MGAT4C: variants seen among roughly 807,000 people sequenced by gnomAD.
MGAT4C encodes the protein MGAT4 family member C.
MGAT4C carries 19 observed loss-of-function variants against 40.1 expected under a neutral mutation model. The observed-to-expected ratio is 0.47, with a 90% CI of 0.33 to 0.70. The LOEUF is 0.70. MGAT4C is among the 30% of genes least tolerant of loss of function. MGAT4C has a pLI of 0.02. For synonymous variants in MGAT4C, 181 were observed against 187.1 expected, an observed-to-expected ratio of 0.97 and a Z score of 0.27; for missense variants, 491 against 563.2, an observed-to-expected ratio of 0.87 and a Z score of 1.30.
At chr12:86,440,043 C>T (rs1957200605) in intron 2 of MGAT4C, among the ~76,000 whole-genome samples, 1 of 152,074 alleles carries the variant, frequency 6.6e-6, no homozygotes, top group Non-Finnish European at 1.5e-5. Context: ...TTCCACCAAA[C>T]ATTTAAAGAG....
chr12:86,565,194 C>T (rs1960037768), intron 2 of MGAT4C, among the ~76,000 whole-genome samples: 1 of 152,110 alleles, frequency 6.6e-6, no homozygotes, highest in Non-Finnish European at 1.5e-5. Context: ...TGCACAGCAG[C>T]ATTTCATCAT....
At chr12:86,169,942 T>TG (rs1886631760) in intron 1 of MGAT4C, among the ~76,000 whole-genome samples, 1 of 152,184 alleles carries the variant, frequency 6.6e-6, no homozygotes, top group Non-Finnish European at 1.5e-5. Context: ...ATATCAAAGG[T>TG]TAGCAAAGGA....
chr12:86,776,786 T>G (rs1430336196), intron 1 of MGAT4C, among the ~76,000 whole-genome samples: 1 of 152,124 alleles, frequency 6.6e-6, no homozygotes, highest in East Asian at 1.9e-4. Context: ...GTTAGATTAC[T>G]TCCTTCTCAC....
At chr12:86,774,345 C>CTTTCTTTCTTTTTCTTTCTTTCTT (rs1951708548) in intron 1 of MGAT4C, among the ~76,000 whole-genome samples, 1 of 14,910 alleles carries the variant, frequency 6.7e-5, no homozygotes, top group African/African-American at 2.7e-4. Flanking sequence ...CTTTCTGTCT[C>CTTTCTTTCTTTTTCTTTCTTTCTT]TCTCTCTCCC....
At chr12:86,245,503 C>T (rs1951988532) in intron 1 of MGAT4C, among the ~76,000 whole-genome samples, 1 of 152,214 alleles carries the variant, frequency 6.6e-6, no homozygotes, top group African/African-American at 2.4e-5. Flanking sequence ...GTGCTTCTGT[C>T]TGGTTTCTAG....
In MGAT4C at chr12:85,979,405, CAA is replaced by C; in HGVS notation, c.1319_1320del (p.Phe440Ter). ...LRLGEFKNGNFEMSGVNQKIP... is the reference protein window; with the variant it reads ...LRLGEFKNGNXEMSGVNQKIP... Reference sequence around the variant, plus strand: ...ATTTTTTGATTTACACCTGACATTTCAAAGTTTCCATTTTTGAATTCTCCTAG... The same window carrying C: ...ATTTTTTGATTTACACCTGACATTTCAGTTTCCATTTTTGAATTCTCCTAG... On this transcript the variant is annotated frameshift_variant, in exon 5 of 5. Coordinates refer to ENST00000611864, the MANE Select transcript of MGAT4C (RefSeq NM_001351288.2). LOFTEE classifies it high-confidence loss of function. 6.2e-7 allele frequency: 1 copy of C among 1,613,136 alleles called. No homozygotes were observed. The highest frequency in any genetic ancestry group is 8.5e-7 in the Non-Finnish European group (1 of 1,179,456).
chr12:86,468,335 A>C (rs762623207), intron 2 of MGAT4C, among the ~76,000 whole-genome samples: 3 of 151,892 alleles, frequency 2.0e-5, no homozygotes, highest in Non-Finnish European at 4.4e-5. Flanking sequence ...GCTACCATAA[A>C]ATCTTTTTGA....
intron 1 of MGAT4C, among the ~76,000 whole-genome samples, chr12:86,763,731 T>C (rs1240178900): frequency 2.0e-5 from 3 of 152,084 alleles, no homozygotes; most frequent in Non-Finnish European, 4.4e-5. Flanking sequence ...CAAATGTGTG[T>C]GTGTTGTATA....
intron 3 of MGAT4C, among the ~76,000 whole-genome samples, chr12:86,360,070 G>C (rs1193574173): frequency 6.6e-6 from 1 of 152,110 alleles, no homozygotes; most frequent in African/African-American, 2.4e-5. Flanking sequence ...GAAGAACATT[G>C]ATGCAAAAAT....
At chr12:86,074,603 T>G (rs895429185) in intron 1 of MGAT4C, among the ~76,000 whole-genome samples, 13 of 152,072 alleles carry the variant, frequency 8.5e-5, no homozygotes, top group Non-Finnish European at 1.6e-4. Flanking sequence ...TTCTTTCATA[T>G]GGACCTGTAT....
At chr12:86,451,011 T>C (rs1239551990) in intron 2 of MGAT4C, among the ~76,000 whole-genome samples, 5 of 152,134 alleles carry the variant, frequency 3.3e-5, no homozygotes, top group Admixed American at 2.0e-4. Flanking sequence ...ATATCAGTCT[T>C]ATTTGGTTCC....
intron 2 of MGAT4C, among the ~76,000 whole-genome samples, chr12:86,521,063 C>T (rs1958786440): frequency 6.6e-6 from 1 of 152,102 alleles, no homozygotes; most frequent in African/African-American, 2.4e-5. Context: ...TGCAGAAGCT[C>T]TTTAGTTAAA....
intron 2 of MGAT4C, among the ~76,000 whole-genome samples, chr12:86,504,771 C>G (rs1377500770): frequency 3.9e-5 from 6 of 152,094 alleles, no homozygotes; most frequent in Non-Finnish European, 8.8e-5. Context: ...ACTGCAACCT[C>G]CGCCTCCCGG....
chr12:86,190,283 A>C (rs1394100232), intron 1 of MGAT4C, among the ~76,000 whole-genome samples: 1 of 152,086 alleles, frequency 6.6e-6, no homozygotes, highest in African/African-American at 2.4e-5. Context: ...AGTTTAAAAA[A>C]TCAATTAGAA....
At chr12:86,310,886 C>G (rs1054554045) in intron 4 of MGAT4C, among the ~76,000 whole-genome samples, 1 of 152,108 alleles carries the variant, frequency 6.6e-6, no homozygotes, top group Non-Finnish European at 1.5e-5. Flanking sequence ...ATCGCACCAC[C>G]GCACTCCAGC....
At chr12:86,766,427 T>C (rs1951509468) in intron 1 of MGAT4C, among the ~76,000 whole-genome samples, 1 of 152,134 alleles carries the variant, frequency 6.6e-6, no homozygotes, top group African/African-American at 2.4e-5. Context: ...TGGGAGACTT[T>C]AACACCCCAC....
chr12:86,645,436 C>T (rs1412428101), intron 2 of MGAT4C, among the ~76,000 whole-genome samples: 2 of 151,662 alleles, frequency 1.3e-5, no homozygotes, highest in Non-Finnish European at 1.5e-5. Context: ...CTCAGTATAG[C>T]GTGGGACCAT....
chr12:86,757,565 C>T (rs1188313715), intron 1 of MGAT4C, among the ~76,000 whole-genome samples: 2 of 152,072 alleles, frequency 1.3e-5, no homozygotes, highest in Non-Finnish European at 2.9e-5. Flanking sequence ...AAAGCTTAGT[C>T]TTTTCATGCT....
chr12:85,986,461 G>A (rs567688447), intron 3 of MGAT4C, among the ~76,000 whole-genome samples: 158 of 152,290 alleles, frequency 1.0e-3, no homozygotes, highest in Non-Finnish European at 1.8e-3. Context: ...TACACTAAGT[G>A]CAGCTTCCTT....
Sources: allele counts gnomAD v4.1 joint callset (sites outside exome capture counted in the v4.1 genomes callset), GRCh38; gene constraint gnomAD v4.1.1; transcripts MANE v1.5; gene names NCBI Gene and HGNC (gene_info 2026-07-23, HGNC 2026-07-21).